CDH13: variants seen among roughly 807,000 people sequenced by gnomAD.
The protein encoded by CDH13 is cadherin 13, also known as cadherin-13.
Under a neutral mutation model 63.8 loss-of-function variants are expected in CDH13, and 24 were observed. The ratio of observed to expected loss-of-function variants is 0.38; its 90% confidence interval spans 0.27 to 0.53. CDH13 has a LOEUF of 0.53. Ranked by LOEUF, CDH13 falls within the 20% of genes least tolerant of loss-of-function variation. CDH13 has a pLI of 0.85. For missense variants in CDH13, 1,049 were observed against 903.1 expected (o/e 1.16, Z -2.07); for synonymous variants, 503 against 355.3 (o/e 1.42, Z -4.67).
At chr16:83,532,263 C>G (rs944566085) in intron 7 of CDH13, among the ~76,000 whole-genome samples, 4 of 152,140 alleles carry the variant, frequency 2.6e-5, no homozygotes, top group African/African-American at 7.2e-5. Context: ...CAGACTAGTA[C>G]AAGCTCATAC....
At chr16:83,784,439 C>T (rs191585988) in intron 13 of CDH13, among the ~76,000 whole-genome samples, 1 of 152,114 alleles carries the variant, frequency 6.6e-6, no homozygotes, top group Non-Finnish European at 1.5e-5. Flanking sequence ...CAAGACCAGT[C>T]TGGCCAACAT....
At chr16:83,496,707 C>T (rs2074153632) in intron 7 of CDH13, among the ~76,000 whole-genome samples, 1 of 152,080 alleles carries the variant, frequency 6.6e-6, no homozygotes, top group Non-Finnish European at 1.5e-5. Flanking sequence ...AAGAAACTAC[C>T]ATCAGAGTGA....
intron 7 of CDH13, among the ~76,000 whole-genome samples, chr16:83,519,795 A>G (rs980414662): frequency 6.6e-6 from 1 of 152,168 alleles, no homozygotes. Context: ...CCCAGTGTGA[A>G]TGGTGGGGGG....
At chr16:83,261,760 G>A (rs911167574) in intron 5 of CDH13, among the ~76,000 whole-genome samples, 24 of 150,524 alleles carry the variant, frequency 1.6e-4, no homozygotes, top group Non-Finnish European at 2.7e-4. Flanking sequence ...ATCAGAAAGC[G>A]AATAAGTGGC....
chr16:83,738,951 C>T (rs1169284126), intron 10 of CDH13, among the ~76,000 whole-genome samples: 1 of 152,164 alleles, frequency 6.6e-6, no homozygotes, highest in African/African-American at 2.4e-5. Flanking sequence ...TTAGTGATTT[C>T]TAAAGATAAG....
chr16:83,599,516 A>T (rs1312414730), intron 7 of CDH13, among the ~76,000 whole-genome samples: 3 of 152,340 alleles, frequency 2.0e-5, no homozygotes, highest in South Asian at 4.1e-4. Context: ...AAACCAAAAA[A>T]ATTTTTAAAA....
chr16:83,157,807 G>A (rs1361192894), intron 4 of CDH13, among the ~76,000 whole-genome samples: 2 of 151,558 alleles, frequency 1.3e-5, no homozygotes, highest in African/African-American at 4.8e-5. Context: ...CAGCAACTCG[G>A]GAGGCAGAGG....
At chr16:83,599,355 T>C (rs191244960) in intron 7 of CDH13, among the ~76,000 whole-genome samples, 2 of 152,360 alleles carry the variant, frequency 1.3e-5, no homozygotes, top group Admixed American at 6.5e-5. Context: ...CAGCCCTGTC[T>C]GAGATCAAAA....
intron 5 of CDH13, among the ~76,000 whole-genome samples, chr16:83,317,834 T>C (rs1032184417): frequency 1.3e-5 from 2 of 150,846 alleles, no homozygotes; most frequent in Non-Finnish European, 1.5e-5. Context: ...GTCTGCCACA[T>C]CAATGCTCCC....
chr16:83,349,144 A>G (rs1473779934), intron 6 of CDH13, among the ~76,000 whole-genome samples: 1 of 152,230 alleles, frequency 6.6e-6, no homozygotes, highest in Non-Finnish European at 1.5e-5. Context: ...GATCAGCAGA[A>G]CATAATGGTC....
chr16:82,658,432 T>C (rs1261729768), intron 1 of CDH13, among the ~76,000 whole-genome samples: 1 of 152,242 alleles, frequency 6.6e-6, no homozygotes, highest in Admixed American at 6.5e-5. Context: ...ATACCTGTGA[T>C]AAATCCCATC....
At chr16:83,730,539 A>G (rs1022537990) in intron 10 of CDH13, among the ~76,000 whole-genome samples, 4 of 152,264 alleles carry the variant, frequency 2.6e-5, no homozygotes, top group African/African-American at 9.6e-5. Context: ...CAATTCGATG[A>G]AAAGTTCAAC....
At chr16:83,344,112 TA>T (rs2090785468) in intron 5 of CDH13, among the ~76,000 whole-genome samples, 1 of 152,224 alleles carries the variant, frequency 6.6e-6, no homozygotes. Context: ...GAGGAAGTAT[TA>T]CTCTTATCGC....
chr16:83,039,792 C>T (rs1261287829), intron 3 of CDH13, among the ~76,000 whole-genome samples: 2 of 152,080 alleles, frequency 1.3e-5, no homozygotes, highest in Non-Finnish European at 2.9e-5. Flanking sequence ...CTTGAATTGG[C>T]CAAGCTTTCC....
chr16:83,699,707 G>A (rs1905924812), intron 10 of CDH13, among the ~76,000 whole-genome samples: 4 of 152,146 alleles, frequency 2.6e-5, no homozygotes, highest in Admixed American at 2.6e-4. Context: ...CTAACTCACT[G>A]AGGATGTTTA....
At chr16:83,660,937 AAT>A (rs1913387437) in intron 8 of CDH13, among the ~76,000 whole-genome samples, 2 of 152,192 alleles carry the variant, frequency 1.3e-5, no homozygotes, top group Admixed American at 6.5e-5. Flanking sequence ...AAGAAAAAAA[AAT>A]GTAGGCATAT....
chr16:83,343,683 T>C (rs1447056118), intron 5 of CDH13, among the ~76,000 whole-genome samples: 1 of 152,216 alleles, frequency 6.6e-6, no homozygotes, highest in East Asian at 1.9e-4. Context: ...GTAGCAACAA[T>C]AGCAGCAGTT....
In CDH13 at chr16:83,176,019, G is replaced by GTTTT. The variant is rs201422569; in HGVS notation, c.484-41320_484-41317dup. Among the ~76,000 whole-genome samples the GTTTT allele has an allele frequency of 3.4e-5, 5 of 145,606 alleles. No homozygotes were observed. In the East Asian group the frequency reaches 1.0e-3, roughly 30 times the overall value. On this transcript the variant is annotated intron_variant, in intron 4 of 13. Coordinates refer to ENST00000567109, the MANE Select transcript of CDH13 (RefSeq NM_001257.5). ...AATTTTTGTTTTTGTTTTTGTTTTT[G>GTTTT]TTTTTTTTTCAGTAGAGACGGGGTT...
chr16:83,752,008 G>A (rs1913126149), intron 11 of CDH13, among the ~76,000 whole-genome samples: 1 of 152,268 alleles, frequency 6.6e-6, no homozygotes, highest in African/African-American at 2.4e-5. Context: ...CCAAAAGGAA[G>A]AGGTCTGGAC....
Sources: allele counts gnomAD v4.1 joint callset (sites outside exome capture counted in the v4.1 genomes callset), GRCh38; gene constraint gnomAD v4.1.1; transcripts MANE v1.5; gene names NCBI Gene and HGNC (gene_info 2026-07-23, HGNC 2026-07-21).